Variants in DPP10 observed in about 807,000 individuals in gnomAD.
The protein encoded by DPP10 is inactive dipeptidyl peptidase 10.
A neutral mutation model predicts 120.9 loss-of-function variants in DPP10; 33 were observed. The ratio of observed to expected loss-of-function variants is 0.27; its 90% CI spans 0.21 to 0.37. DPP10 has a LOEUF of 0.37. DPP10 is among the 10% of genes least tolerant of loss of function. DPP10 has a pLI of 1.00. For missense variants in DPP10, 816 were observed against 942.8 expected, an observed-to-expected ratio of 0.87 and a Z score of 1.76; for synonymous variants, 337 against 326.1, an observed-to-expected ratio of 1.03 and a Z score of -0.36.
chr2:115,375,206 C>A (rs779338620), intron 3 of DPP10, among the ~76,000 whole-genome samples: 1 of 152,218 alleles, frequency 6.6e-6, no homozygotes, highest in East Asian at 1.9e-4. Context: ...ATCCAGGTCA[C>A]ATCTTGAACG....
At chr2:114,944,833 T>C (rs1228371103) in intron 1 of DPP10, among the ~76,000 whole-genome samples, 1 of 152,202 alleles carries the variant, frequency 6.6e-6, no homozygotes, top group Admixed American at 6.5e-5. Context: ...TTATCCAGTT[T>C]CATAATCAGG....
chr2:114,459,272 T>C (rs577398306), intron 1 of DPP10, among the ~76,000 whole-genome samples: 2 of 152,316 alleles, frequency 1.3e-5, no homozygotes, highest in East Asian at 3.9e-4. Flanking sequence ...CATGTACTAC[T>C]AGAAGATGTA....
chr2:115,191,606 G>T (rs2054887586), intron 1 of DPP10, among the ~76,000 whole-genome samples: 1 of 152,216 alleles, frequency 6.6e-6, no homozygotes, highest in East Asian at 1.9e-4. Context: ...TAGTTTGGTA[G>T]GGTTTTCCCC....
intron 1 of DPP10, among the ~76,000 whole-genome samples, chr2:114,827,264 G>A (rs1686637501): frequency 6.6e-6 from 1 of 152,158 alleles, no homozygotes; most frequent in Non-Finnish European, 1.5e-5. Context: ...TATTCTTGTA[G>A]ATTCAGACCA....
chr2:115,754,419 A>T (rs763243283), intron 11 of DPP10, among the ~76,000 whole-genome samples: 3 of 152,196 alleles, frequency 2.0e-5, no homozygotes, highest in Non-Finnish European at 4.4e-5. Flanking sequence ...TGCAAGTTGC[A>T]AAGTACTTAG....
intron 1 of DPP10, among the ~76,000 whole-genome samples, chr2:114,651,203 G>A (rs1352914084): frequency 6.6e-6 from 1 of 152,112 alleles, no homozygotes; most frequent in African/African-American, 2.4e-5. Context: ...ACATGCACTT[G>A]ACTTGTACTT....
intron 1 of DPP10, among the ~76,000 whole-genome samples, chr2:115,054,722 C>T (rs80144028): frequency 0.055 from 8,293 of 152,000 alleles, 303 homozygotes; most frequent in East Asian, 0.17. Flanking sequence ...AGCAGCCTGG[C>T]CAATATGCTG....
At position 115,491,601 on chromosome 2, in the gene DPP10, C is replaced by T. The variant is rs147105337; in HGVS notation, c.272-7909C>T. 2.6e-4 allele frequency among the ~76,000 whole-genome samples: 40 copies of T among 151,780 alleles called. 1 individual carries two copies. The highest frequency in any genetic ancestry group is 3.2e-3 in the Middle Eastern group (1 of 316). On this transcript the variant is annotated intron_variant, in intron 3 of 25. Coordinates refer to ENST00000410059, the MANE Select transcript of DPP10 (RefSeq NM_020868.6). ...TCTTCAGCCAGGAGGAGGGTTGTCT[C>T]GGGGCTAGCATCTTCCTGGCTGGAA...
intron 1 of DPP10, among the ~76,000 whole-genome samples, chr2:114,721,083 GA>G (rs1701677687): frequency 6.6e-6 from 1 of 152,202 alleles, no homozygotes; most frequent in Non-Finnish European, 1.5e-5. Flanking sequence ...CCACCCTGAC[GA>G]GGTAGACTTC....
chr2:114,494,737 C>T (rs1178543870), intron 1 of DPP10, among the ~76,000 whole-genome samples: 2 of 152,204 alleles, frequency 1.3e-5, no homozygotes, highest in East Asian at 1.9e-4. Context: ...ATTGAGTATA[C>T]ATTACTGAGG....
chr2:114,494,119 A>AAAAC (rs1553450334), intron 1 of DPP10, among the ~76,000 whole-genome samples: 3 of 139,726 alleles, frequency 2.1e-5, no homozygotes, highest in Admixed American at 7.6e-5. Flanking sequence ...AAAAAAAAAA[A>AAAAC]AACCCAGCAA....
At chr2:114,556,042 G>T (rs149199219) in intron 1 of DPP10, among the ~76,000 whole-genome samples, 2,403 of 151,980 alleles carry the variant, frequency 0.016, 35 homozygotes, top group Middle Eastern at 0.031. Context: ...GTTTTAAGGA[G>T]ATGGCAGAAG....
chr2:114,662,227 G>C lies in DPP10; in HGVS notation c.60+219389G>C, dbSNP rs77502449. Reference sequence around the variant, plus strand: ...GCGGAGGTCGCACAGTGTCCTGAGGGGGGAGACTGGAAAAGCAGACACGCA... The same window carrying C: ...GCGGAGGTCGCACAGTGTCCTGAGGCGGGAGACTGGAAAAGCAGACACGCA... On this transcript the variant is annotated intron_variant, in intron 1 of 25. Coordinates refer to ENST00000410059, the MANE Select transcript of DPP10 (RefSeq NM_020868.6). Among the ~76,000 whole-genome samples, 21 of 152,304 alleles carry C rather than the reference G, an allele frequency of 1.4e-4. No homozygotes were observed. The East Asian group carries it at 3.5e-3, about 25-fold the overall frequency.
intron 1 of DPP10, among the ~76,000 whole-genome samples, chr2:114,711,103 GA>G (rs1700998944): frequency 6.6e-6 from 1 of 152,132 alleles, no homozygotes; most frequent in African/African-American, 2.4e-5. Flanking sequence ...TTAAGGTCAG[GA>G]AAAAGGCAGT....
intron 1 of DPP10, among the ~76,000 whole-genome samples, chr2:114,987,834 C>T (rs1195958129): frequency 4.9e-4 from 3 of 6,112 alleles, no homozygotes; most frequent in Admixed American, 1.8e-3. Flanking sequence ...GATGGAGTCT[C>T]GCTCTGTCGC....
At chr2:114,950,815 A>G (rs2104640657) in intron 1 of DPP10, among the ~76,000 whole-genome samples, 1 of 152,330 alleles carries the variant, frequency 6.6e-6, no homozygotes, top group Admixed American at 6.5e-5. Flanking sequence ...AAAATAAATG[A>G]TATGGAAAAA....
At position 115,358,726 on chromosome 2, in the gene DPP10, G is replaced by C. The variant is rs188426295; in HGVS notation, c.271+14814G>C. Among the ~76,000 whole-genome samples, 30 of 152,268 alleles carry C rather than the reference G, an allele frequency of 2.0e-4. No individual in the cohort carries two copies. The East Asian group carries it at 5.6e-3, about 28-fold the overall frequency. ...TACCTGAGACTGAGTAATTTATAAAGAAAAGAGGTTTAATTGCCTCCTCAC... is the reference window on the plus strand; with the variant it reads ...TACCTGAGACTGAGTAATTTATAAACAAAAGAGGTTTAATTGCCTCCTCAC... On this transcript the variant is annotated intron_variant, in intron 3 of 25. Coordinates refer to ENST00000410059, the MANE Select transcript of DPP10 (RefSeq NM_020868.6).
intron 1 of DPP10, among the ~76,000 whole-genome samples, chr2:114,797,742 A>G (rs1002072578): frequency 4.6e-5 from 7 of 152,244 alleles, no homozygotes; most frequent in Admixed American, 1.3e-4. Context: ...AAGATTCCAA[A>G]CAACAGCGTA....
intron 1 of DPP10, among the ~76,000 whole-genome samples, chr2:114,724,779 C>A (rs1011861435): frequency 2.0e-5 from 3 of 152,096 alleles, no homozygotes; most frequent in African/African-American, 7.2e-5. Flanking sequence ...AGGCCACTCC[C>A]CTGTCCAATC....
Sources: allele counts gnomAD v4.1 joint callset (sites outside exome capture counted in the v4.1 genomes callset), GRCh38; gene constraint gnomAD v4.1.1; transcripts MANE v1.5; gene names NCBI Gene and HGNC (gene_info 2026-07-23, HGNC 2026-07-21).